The following PCNX4 variants were observed in gnomAD, a reference collection of about 807,000 sequenced individuals.
PCNX4 encodes pecanex 4, also known as pecanex-like protein 4.
Under a neutral mutation model 107.2 loss-of-function variants are expected in PCNX4, and 103 were observed. The observed-to-expected ratio is 0.96, with a 90% confidence interval of 0.82 to 1.13. PCNX4 has a LOEUF of 1.13. Ranked by LOEUF, PCNX4 falls within the 50% of genes most tolerant of loss-of-function variation. The pLI, the probability that PCNX4 is intolerant of heterozygous loss-of-function variation, is 0.00. For missense variants in PCNX4, 1,528 were observed against 1,379.4 expected (o/e 1.11, Z -1.71); for synonymous variants, 541 against 481.7 (o/e 1.12, Z -1.61).
Position 60,115,941 on chromosome 14 carries a change from G to A in PCNX4, c.1459G>A (p.Val487Ile), listed in dbSNP as rs759715051. ...CIGFTRAFRM[V>I]WQNTENALLE... ...AAAATGGATAATTTGTATACTGCAG[G>A]TATGGCAGAATACAGAAAATGCTTT... is the stretch of plus-strand genomic sequence containing the variant. Residue 487 changes from valine (V) to isoleucine (I), a missense_variant and splice_region_variant, in exon 6 of 11, where the codon GTA becomes ATA. Val to Ile is a conservative substitution (Grantham distance 29). Transcript: ENST00000406854. The A allele has an allele frequency of 2.5e-6, 4 of 1,608,596 alleles. No individual in the cohort carries two copies. The highest frequency in any genetic ancestry group is 3.4e-6 in the Non-Finnish European group (4 of 1,176,538).
chr14:60,100,197 A>G (rs1362638028), intron 1 of PCNX4, among the ~76,000 whole-genome samples: 1 of 152,214 alleles, frequency 6.6e-6, no homozygotes, highest in Non-Finnish European at 1.5e-5. Flanking sequence ...GATCACTTCA[A>G]TAGAAAAATA....
intron 10 of PCNX4, chr14:60,133,524 C>T (rs561689369): frequency 1.1e-5 from 4 of 378,564 alleles, no homozygotes; most frequent in African/African-American, 2.1e-5. Flanking sequence ...GATGGTTGCA[C>T]GTATCTGTGA....
chr14:60,118,929 T>G (rs45612532), intron 7 of PCNX4, among the ~76,000 whole-genome samples: 8,183 of 152,312 alleles, frequency 0.054, 333 homozygotes, highest in East Asian at 0.17. Context: ...AAGGTGATTT[T>G]ATAATTTTTT....
At position 60,123,495 on chromosome 14, in the gene PCNX4, A is replaced by G. The variant is rs1042046313; in HGVS notation, c.2047-723A>G. 2.2e-5 allele frequency among the ~76,000 whole-genome samples: 3 copies of G among 137,022 alleles called. No individual in the cohort carries two copies. The East Asian group carries it at 6.5e-4, about 30-fold the overall frequency. The allele number at this position is 137,022 out of a possible 152,430, so 89.9% of individuals were successfully genotyped here. A position where few individuals can be genotyped will look rare whatever the true frequency, so the allele number is the denominator to read the frequency against. Reference sequence around the variant, plus strand: ...GGCACTGACACCTTTGTAAAAATATATAAATAAGCAATATTTAAATAAGCA... The same window carrying G: ...GGCACTGACACCTTTGTAAAAATATGTAAATAAGCAATATTTAAATAAGCA... On this transcript the variant is annotated intron_variant, in intron 8 of 10. Transcript: ENST00000406854.
Position 60,114,835 on chromosome 14 carries a change from T to G in PCNX4, c.825T>G (p.Val275=). The change falls in exon 3 of 11, where the codon GTT becomes GTG. Residue 275 remains valine (V), a synonymous_variant. Coordinates refer to ENST00000406854, the MANE Select transcript of PCNX4 (RefSeq NM_001330177.2). ...DALLLWAMEQ[V]LEFGLGGSSM... ...TTCTCTTATGGGCAATGGAGCAGGT[T>G]TTAGAGTTCGGCCTTGGAGGCTCAT... The G allele has an allele frequency of 6.2e-7, 1 of 1,613,742 alleles. No individual in the cohort carries two copies. The highest frequency in any genetic ancestry group is 8.5e-7 in the Non-Finnish European group (1 of 1,179,742).
At chr14:60,095,842 AAG>A (rs1184065453) in intron 1 of PCNX4, among the ~76,000 whole-genome samples, 1 of 152,066 alleles carries the variant, frequency 6.6e-6, no homozygotes, top group Non-Finnish European at 1.5e-5. Context: ...AGGAAAAAAA[AAG>A]AAAAAATATA....
rs773598932 is a variant in PCNX4 at position 60,141,567 on chromosome 14, C to T, written c.*7346C>T. 28 of 152,144 alleles carry T rather than the reference C, an allele frequency of 1.8e-4. No individual in the cohort carries two copies. The highest frequency in any genetic ancestry group is 3.4e-4 in the Non-Finnish European group (23 of 68,016). 9.4% of individuals were successfully genotyped at this position (152,144 alleles called of 1,614,324 possible). ...AAAACCACAAACTATTAAAACTCAA[C>T]CAAGATGAAATAATCTGAATATCCT... On this transcript the variant is annotated 3_prime_UTR_variant, in exon 11 of 11. Coordinates refer to ENST00000406854, the MANE Select transcript of PCNX4 (RefSeq NM_001330177.2).
chr14:60,092,796 A>T (rs1895331511), intron 1 of PCNX4, among the ~76,000 whole-genome samples: 1 of 152,160 alleles, frequency 6.6e-6, no homozygotes, highest in Non-Finnish European at 1.5e-5. Context: ...GGCCCCCTGA[A>T]CGTGAAGCGC....
At chr14:60,118,268 T>C in intron 6 of PCNX4, 61 bp from the exon 7 acceptor site, 1 of 1,467,072 alleles carries the variant, frequency 6.8e-7, no homozygotes. Flanking sequence ...TCTTATATGA[T>C]CTTGAAAATT....
intron 2 of PCNX4, among the ~76,000 whole-genome samples, chr14:60,113,933 C>T (rs1464160646): frequency 6.6e-6 from 1 of 152,156 alleles, no homozygotes; most frequent in East Asian, 1.9e-4. Context: ...CTGTTAAGTG[C>T]TGTGCCAAGT....
chr14:60,112,185 A>G (rs1361606878), intron 2 of PCNX4, among the ~76,000 whole-genome samples: 2 of 152,218 alleles, frequency 1.3e-5, no homozygotes, highest in African/African-American at 2.4e-5. Flanking sequence ...CATTAAATCT[A>G]CAATGCTTAG....
Position 60,114,585 on chromosome 14 carries a change from T to C in PCNX4, c.690-115T>C, listed in dbSNP as rs968098828. ...GACTAAGACTTTTCTGTGGTGTGTG[T>C]GTGTGGTTTTTTTTTGGAAGGGAGT... On this transcript the variant is annotated intron_variant, in intron 2 of 10. Coordinates refer to ENST00000406854, the MANE Select transcript of PCNX4 (RefSeq NM_001330177.2). The C allele has an allele frequency of 2.7e-5, 19 of 709,470 alleles. No individual in the cohort carries two copies. In the Admixed American group the frequency reaches 3.9e-4, roughly 15 times the overall value. The allele number at this position is 709,470 out of a possible 1,614,324, so 43.9% of individuals were successfully genotyped here. A position where few individuals can be genotyped will look rare whatever the true frequency, so the allele number is the denominator to read the frequency against.
chr14:60,125,932 TATTA>T (rs1214081825), intron 10 of PCNX4, 109 bp downstream of exon 10: 18 of 733,042 alleles, frequency 2.5e-5, no homozygotes, highest in Middle Eastern at 4.1e-4. Context: ...AGCTGTGATA[TATTA>T]ATTATAGTTT....
At chr14:60,106,101 C>G (rs1895623342) in intron 1 of PCNX4, among the ~76,000 whole-genome samples, 1 of 152,156 alleles carries the variant, frequency 6.6e-6, no homozygotes, top group African/African-American at 2.4e-5. Context: ...GGCACTCTTT[C>G]CATTCCCTGA....
chr14:60,094,667 A>G (rs1030217819), intron 1 of PCNX4, among the ~76,000 whole-genome samples: 5 of 151,634 alleles, frequency 3.3e-5, no homozygotes, highest in South Asian at 2.1e-4. Context: ...GCCCATACCT[A>G]TAAGTCCCCA....
intron 10 of PCNX4, among the ~76,000 whole-genome samples, chr14:60,129,267 A>G (rs1169347280): frequency 6.6e-6 from 1 of 150,972 alleles, no homozygotes; most frequent in Non-Finnish European, 1.5e-5. Flanking sequence ...GGATAACATA[A>G]CAAGGCTGGG....
intron 1 of PCNX4, among the ~76,000 whole-genome samples, chr14:60,094,149 T>G (rs1259948128): frequency 1.3e-5 from 2 of 152,310 alleles, no homozygotes; most frequent in African/African-American, 4.8e-5. Context: ...TTCTATAGGT[T>G]GTTCTCACTT....
At chr14:60,115,668 G>T in intron 4 of PCNX4, 51 bp from the exon 5 acceptor site, 2 of 1,488,552 alleles carry the variant, frequency 1.3e-6, no homozygotes. Flanking sequence ...AAATATGGTA[G>T]AAGGAGCTAT....
intron 8 of PCNX4, among the ~76,000 whole-genome samples, chr14:60,122,145 C>T (rs987417409): frequency 6.6e-6 from 1 of 152,134 alleles, no homozygotes; most frequent in Non-Finnish European, 1.5e-5. Context: ...TATCCCATCT[C>T]TTTTTACCAC....
Sources: gnomAD v4.1 joint callset for allele counts (sites outside exome capture counted in the v4.1 genomes callset) on GRCh38, gnomAD v4.1.1 for gene constraint, MANE v1.5 for transcripts, NCBI Gene and HGNC (gene_info 2026-07-23, HGNC 2026-07-21) for gene names.